ANKH: variants seen among roughly 807,000 people sequenced by gnomAD.
The protein encoded by ANKH is mineralization regulator ANKH.
A neutral mutation model predicts 49.0 loss-of-function variants in ANKH; 15 were observed. That is an observed-to-expected ratio of 0.31 (90% confidence interval 0.20 to 0.47). The LOEUF (loss-of-function observed/expected upper bound fraction) is 0.47, where lower values mean the gene tolerates loss of function less well. ANKH is among the 20% of genes least tolerant of loss of function. ANKH has a pLI of 1.00. For synonymous variants in ANKH, 273 were observed against 260.0 expected, an observed-to-expected ratio of 1.05 and a Z score of -0.48; for missense variants, 429 against 652.0, an observed-to-expected ratio of 0.66 and a Z score of 3.72.
chr5:14,820,355 GA>G (rs1238522641), intron 1 of ANKH, among the ~76,000 whole-genome samples: 1 of 152,068 alleles, frequency 6.6e-6, no homozygotes, highest in Non-Finnish European at 1.5e-5. Flanking sequence ...TTTTGCCATA[GA>G]AAAAAAGTTA....
chr5:14,711,904 G>A (rs753159065), intron 11 of ANKH, among the ~76,000 whole-genome samples: 1 of 152,034 alleles, frequency 6.6e-6, no homozygotes, highest in African/African-American at 2.4e-5. Context: ...TGCCATTATC[G>A]ACACACCAAC....
At chr5:14,730,221 T>C (rs73048838) in intron 8 of ANKH, among the ~76,000 whole-genome samples, 10,304 of 152,148 alleles carry the variant, frequency 0.068, 364 homozygotes, top group African/African-American at 0.075. Flanking sequence ...ACAAAGTTTC[T>C]CCCCAGAAGC....
chr5:14,794,057 T>C (rs983349656), intron 1 of ANKH, among the ~76,000 whole-genome samples: 43 of 152,348 alleles, frequency 2.8e-4, no homozygotes, highest in African/African-American at 1.0e-3. Flanking sequence ...AAGATCTCTT[T>C]ACACTGGTGA....
At chr5:14,789,264 A>G (rs1740081302) in intron 1 of ANKH, among the ~76,000 whole-genome samples, 1 of 152,140 alleles carries the variant, frequency 6.6e-6, no homozygotes, top group Admixed American at 6.6e-5. Context: ...GTTAGCATAT[A>G]TACCATAGTA....
intron 1 of ANKH, among the ~76,000 whole-genome samples, chr5:14,786,358 C>T (rs1457774879): frequency 6.6e-6 from 1 of 152,170 alleles, no homozygotes; most frequent in Non-Finnish European, 1.5e-5. Context: ...AGAGCTCTTT[C>T]TGAACTCATT....
At chr5:14,785,009 A>T (rs1359952283) in intron 1 of ANKH, among the ~76,000 whole-genome samples, 3 of 152,134 alleles carry the variant, frequency 2.0e-5, no homozygotes, top group Admixed American at 6.5e-5. Flanking sequence ...TACCACCTTC[A>T]ATCTGCCGCG....
chr5:14,754,429 GA>G (rs1419394788), intron 4 of ANKH, among the ~76,000 whole-genome samples: 1 of 151,384 alleles, frequency 6.6e-6, no homozygotes, highest in African/African-American at 2.4e-5. Flanking sequence ...TGAAATTAGA[GA>G]GGCTTACTGA....
intron 1 of ANKH, chr5:14,870,812 A>G (rs1367623110): frequency 6.4e-6 from 1 of 156,428 alleles, no homozygotes. Context: ...GGAAAAGGAA[A>G]AAAAAGAAAT....
At chr5:14,835,273 A>G (rs1365022562) in intron 1 of ANKH, among the ~76,000 whole-genome samples, 1 of 152,220 alleles carries the variant, frequency 6.6e-6, no homozygotes, top group Non-Finnish European at 1.5e-5. Flanking sequence ...AGTGTTGCTC[A>G]GCGAGATGAC....
chr5:14,709,926 T>G lies in ANKH; in HGVS notation c.*1271A>C, dbSNP rs25990. Reference sequence around the variant, plus strand: ...ATTTATATCTTTAAAATATTTTTTTTTTTAGGTTCTTTCAGTCTAGGAATT... The same window carrying G: ...ATTTATATCTTTAAAATATTTTTTTGTTTAGGTTCTTTCAGTCTAGGAATT... On this transcript the variant is annotated 3_prime_UTR_variant, in exon 12 of 12. Transcript: ENST00000284268. 0.99 allele frequency: 151,434 copies of G among 152,462 alleles called. 75,295 individuals carry two copies. Among genetic ancestry groups the G allele is most frequent in the Middle Eastern group, 1 (294 of 294 alleles). The allele number at this position is 152,462 out of a possible 1,614,324, so 9.4% of individuals were successfully genotyped here.
intron 1 of ANKH, among the ~76,000 whole-genome samples, chr5:14,820,993 G>A (rs926699483): frequency 3.3e-5 from 5 of 152,008 alleles, no homozygotes; most frequent in Non-Finnish European, 5.9e-5. Context: ...GCACCTCACA[G>A]GGGCTCAGGT....
At chr5:14,809,527 C>T (rs909824851) in intron 1 of ANKH, among the ~76,000 whole-genome samples, 4 of 152,032 alleles carry the variant, frequency 2.6e-5, no homozygotes, top group East Asian at 1.9e-4. Flanking sequence ...TGCACTCCAA[C>T]GTGGGAGACA....
At chr5:14,857,096 C>T (rs904053786) in intron 1 of ANKH, among the ~76,000 whole-genome samples, 5 of 152,174 alleles carry the variant, frequency 3.3e-5, no homozygotes, top group African/African-American at 4.8e-5. Context: ...GCCCACCCTA[C>T]GCCTATGTCT....
chr5:14,796,163 A>G (rs1353731184), intron 1 of ANKH, among the ~76,000 whole-genome samples: 1 of 151,886 alleles, frequency 6.6e-6, no homozygotes, highest in African/African-American at 2.4e-5. Context: ...GTGCATTGCA[A>G]ATGTGTTTTT....
intron 8 of ANKH, among the ~76,000 whole-genome samples, chr5:14,718,851 A>G (rs890692934): frequency 7.8e-6 from 1 of 128,046 alleles, no homozygotes; most frequent in Non-Finnish European, 1.7e-5. Flanking sequence ...AAAAAAAAAG[A>G]CATAGAAAAA....
chr5:14,792,993 TATATATATATATAA>T (rs1393040136), intron 1 of ANKH, among the ~76,000 whole-genome samples: 9,102 of 89,648 alleles, frequency 0.1, 563 homozygotes, highest in Non-Finnish European at 0.16. Context: ...TATATAAAAA[TATATATATATATAA>T]ATATATATAT....
intron 1 of ANKH, among the ~76,000 whole-genome samples, chr5:14,810,065 C>CT (rs1173953943): frequency 1.3e-5 from 2 of 152,116 alleles, no homozygotes. Context: ...CCACAGATAG[C>CT]TTCTGCGTTT....
chr5:14,792,790 C>T (rs376464367), intron 1 of ANKH, among the ~76,000 whole-genome samples: 130 of 151,206 alleles, frequency 8.6e-4, no homozygotes, highest in African/African-American at 2.7e-3. Flanking sequence ...GCCTGGCCAA[C>T]ATGGTAAAAC....
chr5:14,716,970 TC>T, intron 8 of ANKH, 135 bp from the exon 9 acceptor site: 1 of 1,109,872 alleles, frequency 9.0e-7, no homozygotes. Flanking sequence ...GGCATGCTGG[TC>T]CCAGATCTGC....
Sources: gnomAD v4.1 joint callset for allele counts (sites outside exome capture counted in the v4.1 genomes callset) on GRCh38, gnomAD v4.1.1 for gene constraint, MANE v1.5 for transcripts, NCBI Gene and HGNC (gene_info 2026-07-23, HGNC 2026-07-21) for gene names.